Variants in SNTB1 observed in about 807,000 individuals in gnomAD.
SNTB1 encodes beta-1-syntrophin.
A neutral mutation model predicts 48.9 loss-of-function variants in SNTB1; 36 were observed. The ratio of observed to expected loss-of-function variants is 0.74; its 90% CI spans 0.56 to 0.97. The LOEUF is 0.97. Among genes scored for constraint, SNTB1 ranks in the 50% least tolerant of loss-of-function variants. The pLI, the probability that SNTB1 is intolerant of heterozygous loss-of-function variation, is 0.00. For missense variants in SNTB1, 786 were observed against 703.4 expected (o/e 1.12, Z -1.33); for synonymous variants, 299 against 294.6 (o/e 1.01, Z -0.15).
intron 1 of SNTB1, among the ~76,000 whole-genome samples, chr8:120,709,213 T>C (rs149613717): frequency 7.2e-5 from 11 of 152,264 alleles, no homozygotes; most frequent in African/African-American, 2.4e-4. Flanking sequence ...ATTTTCTGAG[T>C]AGTTGTTAGC....
chr8:120,582,394 A>T lies in SNTB1; in HGVS notation c.997-7169T>A, dbSNP rs116741743. Reference sequence around the variant, plus strand: ...AAACTAGAAATAGAAAAAAAAATTTAAAATCAAAATAAGCAGAAAATAGGA... The same window carrying T: ...AAACTAGAAATAGAAAAAAAAATTTTAAATCAAAATAAGCAGAAAATAGGA... On this transcript the variant is annotated intron_variant, in intron 3 of 6. Transcript: ENST00000517992. Among the ~76,000 whole-genome samples, 869 of 152,330 alleles carry T rather than the reference A, an allele frequency of 5.7e-3. 7 individuals carry two copies. The highest frequency in any genetic ancestry group is 0.019 in the African/African-American group (782 of 41,586).
chr8:120,785,136 C>T (rs778130763), intron 1 of SNTB1, among the ~76,000 whole-genome samples: 9 of 152,256 alleles, frequency 5.9e-5, no homozygotes, highest in South Asian at 4.1e-4. Context: ...GCAGTGGTCA[C>T]GGGTTTAGAG....
intron 1 of SNTB1, among the ~76,000 whole-genome samples, chr8:120,715,125 T>C (rs1818532992): frequency 6.6e-6 from 1 of 152,220 alleles, no homozygotes; most frequent in Non-Finnish European, 1.5e-5. Flanking sequence ...TTATTTTCAT[T>C]CTCCTCTACA....
At chr8:120,553,613 G>A (rs1209073506) in intron 4 of SNTB1, among the ~76,000 whole-genome samples, 1 of 152,124 alleles carries the variant, frequency 6.6e-6, no homozygotes, top group Non-Finnish European at 1.5e-5. Flanking sequence ...TGTAACTCAA[G>A]GATGTTAAAG....
At chr8:120,685,525 C>T (rs1186562340) in intron 2 of SNTB1, among the ~76,000 whole-genome samples, 1 of 152,212 alleles carries the variant, frequency 6.6e-6, no homozygotes, top group African/African-American at 2.4e-5. Context: ...TAACACAAGG[C>T]ACAGAGCAGA....
rs938724043 is a variant in SNTB1, at chr8:120,665,996, G to A, written c.788+27696C>T. Among the ~76,000 whole-genome samples the A allele has an allele frequency of 7.2e-5, 11 of 151,994 alleles. No homozygotes were observed. The South Asian group carries it at 1.2e-3, about 17-fold the overall frequency. On this transcript the variant is annotated intron_variant, in intron 2 of 6. Transcript: ENST00000517992. The stretch of plus-strand genomic sequence containing the variant: ...TATAAAAAGACTAGAATGAAGTGGC[G>A]TTTGTCCTCTAGTATTGTCTTTTTT...
intron 5 of SNTB1, among the ~76,000 whole-genome samples, chr8:120,544,790 C>CTTTT (rs113100073): frequency 2.6e-5 from 3 of 114,164 alleles, no homozygotes; most frequent in African/African-American, 6.8e-5. Context: ...AAATTCAAAA[C>CTTTT]TTTTTTTTTT....
intron 3 of SNTB1, among the ~76,000 whole-genome samples, chr8:120,591,867 A>T (rs1245119740): frequency 6.6e-6 from 1 of 152,156 alleles, no homozygotes; most frequent in Non-Finnish European, 1.5e-5. Flanking sequence ...GGCTACAAAG[A>T]TCCATTTTCA....
At chr8:120,605,717 A>G (rs1034074342) in intron 3 of SNTB1, among the ~76,000 whole-genome samples, 9 of 152,218 alleles carry the variant, frequency 5.9e-5, no homozygotes, top group Admixed American at 5.9e-4. Context: ...CAGATAGGGC[A>G]AAGCCCCAGT....
chr8:120,635,616 G>A (rs931767131), intron 2 of SNTB1: 2 of 172,222 alleles, frequency 1.2e-5, no homozygotes, highest in African/African-American at 2.4e-5. Context: ...TTCCAGCACT[G>A]CTGTTTTGGC....
At chr8:120,656,915 A>G (rs1185005598) in intron 2 of SNTB1, among the ~76,000 whole-genome samples, 1 of 152,224 alleles carries the variant, frequency 6.6e-6, no homozygotes, top group East Asian at 1.9e-4. Context: ...TATGATAGAT[A>G]AACTGTGAGG....
intron 1 of SNTB1, among the ~76,000 whole-genome samples, chr8:120,801,562 A>C (rs1820226477): frequency 6.6e-6 from 1 of 152,078 alleles, no homozygotes; most frequent in African/African-American, 2.4e-5. Context: ...ATAAGATCTC[A>C]CCTAACAAAT....
intron 3 of SNTB1, among the ~76,000 whole-genome samples, chr8:120,632,033 A>G (rs558640726): frequency 6.6e-6 from 1 of 152,328 alleles, no homozygotes; most frequent in Non-Finnish European, 1.5e-5. Context: ...AATCATCTCA[A>G]TTCAAACAAA....
chr8:120,802,082 T>C (rs1820237439), intron 1 of SNTB1, among the ~76,000 whole-genome samples: 1 of 152,114 alleles, frequency 6.6e-6, no homozygotes, highest in African/African-American at 2.4e-5. Context: ...AACCATGATA[T>C]ATCTTCCACG....
At chr8:120,803,980 G>T (rs796840211) in intron 1 of SNTB1, among the ~76,000 whole-genome samples, 26 of 152,162 alleles carry the variant, frequency 1.7e-4, no homozygotes, top group African/African-American at 6.0e-4. Context: ...CTCCTCTTTC[G>T]TCAACCATCT....
chr8:120,715,300 T>C (rs879300684), intron 1 of SNTB1, among the ~76,000 whole-genome samples: 3 of 152,204 alleles, frequency 2.0e-5, no homozygotes, highest in Non-Finnish European at 4.4e-5. Context: ...AGAAGGAAAT[T>C]TGGTTCATTA....
chr8:120,638,498 T>A (rs1817121063), intron 2 of SNTB1, among the ~76,000 whole-genome samples: 1 of 152,134 alleles, frequency 6.6e-6, no homozygotes, highest in African/African-American at 2.4e-5. Flanking sequence ...GTTGGTGTGC[T>A]GCACCCATTA....
intron 3 of SNTB1, among the ~76,000 whole-genome samples, chr8:120,625,498 C>T (rs1243730844): frequency 6.6e-6 from 1 of 152,230 alleles, no homozygotes. Context: ...CATACTGCCT[C>T]TGCCACCCAC....
intron 1 of SNTB1, among the ~76,000 whole-genome samples, chr8:120,764,667 C>T (rs1251694609): frequency 6.6e-6 from 1 of 152,066 alleles, no homozygotes; most frequent in Non-Finnish European, 1.5e-5. Flanking sequence ...GAATATATAA[C>T]AGATAAAACT....
Sources: allele counts gnomAD v4.1 joint callset (sites outside exome capture counted in the v4.1 genomes callset), GRCh38; gene constraint gnomAD v4.1.1; transcripts MANE v1.5; gene names NCBI Gene and HGNC (gene_info 2026-07-23, HGNC 2026-07-21).